Variants in STEAP1B observed in about 807,000 individuals in gnomAD.
The protein encoded by STEAP1B is STEAP family member 1B.
STEAP1B carries 13 observed loss-of-function variants against 27.9 expected under a neutral mutation model. The ratio of observed to expected loss-of-function variants is 0.47; its 90% CI spans 0.30 to 0.74. The LOEUF (loss-of-function observed/expected upper bound fraction) is 0.74, where lower values mean the gene tolerates loss of function less well. Ranked by LOEUF, STEAP1B falls within the 30% of genes least tolerant of loss-of-function variation. The probability of loss-of-function intolerance (pLI) is 0.06; values close to 1 mark genes in which losing one functional copy is unlikely to be tolerated. For missense variants in STEAP1B, 250 were observed against 298.7 expected (o/e 0.84, Z 1.20); for synonymous variants, 86 against 107.1 (o/e 0.80, Z 1.22).
intron 4 of STEAP1B, among the ~76,000 whole-genome samples, chr7:22,455,720 T>C (rs981722916): frequency 3.3e-5 from 5 of 152,236 alleles, no homozygotes; most frequent in African/African-American, 1.2e-4. Context: ...ATACTGTGTC[T>C]TCCAATGTGC....
chr7:22,434,707 C>T (rs1389010840), intron 4 of STEAP1B, among the ~76,000 whole-genome samples: 2 of 152,086 alleles, frequency 1.3e-5, no homozygotes, highest in African/African-American at 2.4e-5. Context: ...TCCTTATGCT[C>T]GAAGAGCACA....
intron 4 of STEAP1B, among the ~76,000 whole-genome samples, chr7:22,486,708 G>T (rs1229273143): frequency 6.6e-6 from 1 of 151,958 alleles, no homozygotes; most frequent in Admixed American, 6.6e-5. Context: ...CCCTGCCAAG[G>T]GGTCATCCTG....
chr7:22,429,672 C>A (rs1438101102), intron 4 of STEAP1B, among the ~76,000 whole-genome samples: 2 of 152,134 alleles, frequency 1.3e-5, no homozygotes, highest in Non-Finnish European at 2.9e-5. Flanking sequence ...CAGAACAGTG[C>A]ACAATTAAAA....
intron 4 of STEAP1B, among the ~76,000 whole-genome samples, chr7:22,445,929 A>G (rs766644064): frequency 6.6e-6 from 1 of 152,220 alleles, no homozygotes; most frequent in Non-Finnish European, 1.5e-5. Context: ...TGAGTCGGAA[A>G]CTTGACAACT....
intron 4 of STEAP1B, among the ~76,000 whole-genome samples, chr7:22,476,369 G>C (rs1785972064): frequency 6.6e-6 from 1 of 152,220 alleles, no homozygotes; most frequent in East Asian, 1.9e-4. Flanking sequence ...GGATGGCCCA[G>C]TGGCAGCAGG....
intron 4 of STEAP1B, among the ~76,000 whole-genome samples, chr7:22,479,861 T>C (rs1481178160): frequency 6.6e-6 from 1 of 152,046 alleles, no homozygotes; most frequent in Non-Finnish European, 1.5e-5. Flanking sequence ...GATTTCAGTA[T>C]TTTTAGTAGA....
At chr7:22,460,642 A>T (rs927473410) in intron 4 of STEAP1B, among the ~76,000 whole-genome samples, 7 of 152,118 alleles carry the variant, frequency 4.6e-5, no homozygotes, top group Non-Finnish European at 7.3e-5. Flanking sequence ...TTTTCATTTG[A>T]GACCACTGCA....
intron 4 of STEAP1B, among the ~76,000 whole-genome samples, chr7:22,472,960 A>C (rs1583648327): frequency 6.6e-6 from 1 of 152,288 alleles, no homozygotes; most frequent in East Asian, 1.9e-4. Flanking sequence ...CTACCTCATA[A>C]GACTGCTCTA....
At chr7:22,422,069 T>C (rs940239169) in intron 4 of STEAP1B, among the ~76,000 whole-genome samples, 12 of 152,394 alleles carry the variant, frequency 7.9e-5, no homozygotes, top group African/African-American at 2.9e-4. Context: ...ATGTTACCAT[T>C]GAAGATTATT....
intron 4 of STEAP1B, chr7:22,438,711 G>A: frequency 6.4e-7 from 1 of 1,551,640 alleles, no homozygotes; most frequent in Non-Finnish European, 8.7e-7. Flanking sequence ...CCAGTTTAGT[G>A]GCCTGAAAGT....
At chr7:22,454,893 C>T (rs547242914) in intron 4 of STEAP1B, among the ~76,000 whole-genome samples, 33 of 72,120 alleles carry the variant, frequency 4.6e-4, no homozygotes, top group African/African-American at 1.4e-3. Flanking sequence ...GACAGAGTCT[C>T]GCTGTGTCAC....
At chr7:22,490,716 G>A (rs961892309) in intron 4 of STEAP1B, among the ~76,000 whole-genome samples, 1 of 152,214 alleles carries the variant, frequency 6.6e-6, no homozygotes, top group African/African-American at 2.4e-5. Context: ...CATGCCAATA[G>A]TCTACCTGAG....
intron 4 of STEAP1B, among the ~76,000 whole-genome samples, chr7:22,460,561 G>C (rs1785661176): frequency 6.6e-6 from 1 of 152,172 alleles, no homozygotes; most frequent in Non-Finnish European, 1.5e-5. Flanking sequence ...TGGTGGCCTG[G>C]ACATGCTGTG....
intron 4 of STEAP1B, among the ~76,000 whole-genome samples, chr7:22,442,695 C>T (rs1456253670): frequency 6.6e-6 from 1 of 152,196 alleles, no homozygotes; most frequent in Admixed American, 6.5e-5. Context: ...GGAAAGAACA[C>T]ATTGCAGTGA....
chr7:22,488,828 C>A (rs1168569773), intron 4 of STEAP1B, among the ~76,000 whole-genome samples: 1 of 152,144 alleles, frequency 6.6e-6, no homozygotes, highest in African/African-American at 2.4e-5. Flanking sequence ...AGTTTTCTAG[C>A]CTTTGAGCCA....
At chr7:22,452,020 C>T (rs1056781694) in intron 4 of STEAP1B, among the ~76,000 whole-genome samples, 3 of 152,138 alleles carry the variant, frequency 2.0e-5, no homozygotes, top group Non-Finnish European at 4.4e-5. Context: ...GGGTCCCAGG[C>T]TTTTCTTCAC....
chr7:22,448,390 A>G, intron 4 of STEAP1B, among the ~76,000 whole-genome samples: 1 of 150,766 alleles, frequency 6.6e-6, no homozygotes, highest in Non-Finnish European at 1.5e-5. Flanking sequence ...ATGATCTTTT[A>G]ATAGAACTTT....
chr7:22,440,272 T>C (rs1785312991), intron 4 of STEAP1B, among the ~76,000 whole-genome samples: 1 of 152,202 alleles, frequency 6.6e-6, no homozygotes, highest in Non-Finnish European at 1.5e-5. Context: ...TGATGAAGTT[T>C]CTACTTTTAA....
intron 4 of STEAP1B, among the ~76,000 whole-genome samples, chr7:22,458,832 G>T (rs1242649407): frequency 6.6e-6 from 1 of 152,102 alleles, no homozygotes; most frequent in Non-Finnish European, 1.5e-5. Context: ...TATCCTGGAG[G>T]GGATGGGTGG....
Sources: allele counts gnomAD v4.1 joint callset (sites outside exome capture counted in the v4.1 genomes callset), GRCh38; gene constraint gnomAD v4.1.1; transcripts MANE v1.5; gene names NCBI Gene and HGNC (gene_info 2026-07-23, HGNC 2026-07-21).